Variants in CELF1 observed in about 807,000 individuals in gnomAD.
CELF1 encodes 50 kDa nuclear polyadenylated RNA-binding protein.
Under a neutral mutation model 61.8 loss-of-function variants are expected in CELF1, and 10 were observed. The ratio of observed to expected loss-of-function variants is 0.16; its 90% CI spans 0.10 to 0.27. The LOEUF (loss-of-function observed/expected upper bound fraction) is 0.27. Among genes scored for constraint, CELF1 ranks in the 10% least tolerant of loss-of-function variants. The probability of loss-of-function intolerance (pLI) is 1.00; values close to 1 mark genes in which losing one functional copy is unlikely to be tolerated. For missense variants in CELF1, 380 were observed against 639.1 expected, an observed-to-expected ratio of 0.59 and a Z score of 4.37; for synonymous variants, 236 against 225.1, an observed-to-expected ratio of 1.05 and a Z score of -0.43.
At chr11:47,482,552 G>C in intron 9 of CELF1, 143 bp downstream of exon 9, 1 of 684,534 alleles carries the variant, frequency 1.5e-6, no homozygotes, top group Non-Finnish European at 2.4e-6. Context: ...AGGACTAAAA[G>C]AAATAGTACT....
chr11:47,539,145 G>A (rs1266734230), intron 1 of CELF1, among the ~76,000 whole-genome samples: 1 of 151,518 alleles, frequency 6.6e-6, no homozygotes. Flanking sequence ...CTCACTTTAA[G>A]TTTCCTATCT....
At chr11:47,512,702 TC>T (rs1220598354) in intron 1 of CELF1, among the ~76,000 whole-genome samples, 1 of 152,108 alleles carries the variant, frequency 6.6e-6, no homozygotes, top group African/African-American at 2.4e-5. Flanking sequence ...AAAAGTATAT[TC>T]TCTTTAAAGT....
At position 47,475,532 on chromosome 11, in the gene CELF1, G is replaced by C. The variant is rs1217024400; in HGVS notation, c.1088-11C>G. 6.2e-7 allele frequency: 1 copy of C among 1,613,304 alleles called. No homozygotes were observed. Among genetic ancestry groups the C allele is most frequent in the Non-Finnish European group, 8.5e-7 (1 of 1,179,770 alleles). ...TTAAAGCAGCCATTCCTTGGTTGGAGGAAGAGAAGGATTAATATACTAGAA... is the reference window on the plus strand; with the variant it reads ...TTAAAGCAGCCATTCCTTGGTTGGACGAAGAGAAGGATTAATATACTAGAA... On this transcript the variant is annotated splice_polypyrimidine_tract_variant and intron_variant, in intron 12 of 14. Transcript: ENST00000687097.
In CELF1 at chr11:47,476,867, G is replaced by C; in HGVS notation, c.1066C>G (p.Leu356Val). Residue 356 changes from leucine (L) to valine (V), a missense_variant, in exon 12 of 15, where the codon CTC (leucine) becomes GTC (valine). Transcript: ENST00000687097. ...TTACCTGCCAAAGAGCCAACATTGA[G>C]GCCAGCCGTTGCTCCAGCTAATGTC... is the stretch of plus-strand genomic sequence containing the variant. Reference protein sequence around the residue: ...LQTLAGATAGLNVGSLAGMAA... With the variant: ...LQTLAGATAGVNVGSLAGMAA... 1 of 1,614,132 alleles carries C rather than the reference G, an allele frequency of 6.2e-7. No individual in the cohort carries two copies.
At chr11:47,522,263 A>C (rs1186786846) in intron 1 of CELF1, among the ~76,000 whole-genome samples, 1 of 150,944 alleles carries the variant, frequency 6.6e-6, no homozygotes, top group Admixed American at 6.6e-5. Context: ...TGGTGGCTCA[A>C]GCCTGTAACC....
Position 47,470,942 on chromosome 11 carries a change from G to GT in CELF1, c.*1287dup, listed in dbSNP as rs1312965641. 1.3e-5 allele frequency: 2 copies of GT among 152,186 alleles called. No homozygotes were observed. The highest frequency in any genetic ancestry group is 4.8e-5 in the African/African-American group (2 of 41,440). 9.4% of individuals were successfully genotyped at this position (152,186 alleles called of 1,614,324 possible). A position where few individuals can be genotyped will look rare whatever the true frequency, so the allele number is the denominator to read the frequency against. On this transcript the variant is annotated 3_prime_UTR_variant, in exon 15 of 15. Transcript: ENST00000687097. ...TAGCACGAGGACAAAAATGAACACG[G>GT]TAATACTGAGGTAAATGAACACTCA... is the stretch of plus-strand genomic sequence containing the variant.
intron 3 of CELF1, 107 bp downstream of exon 3, chr11:47,499,346 C>A (rs1214466699): frequency 3.3e-5 from 27 of 822,206 alleles, no homozygotes; most frequent in Non-Finnish European, 5.0e-5. Context: ...GGCTTCTTTC[C>A]CCATTTTTCT....
At chr11:47,475,758 A>G (rs1054095019) in intron 12 of CELF1, among the ~76,000 whole-genome samples, 2 of 152,082 alleles carry the variant, frequency 1.3e-5, no homozygotes, top group African/African-American at 4.8e-5. Context: ...CATTACCTTC[A>G]TCCAATCTGT....
intron 1 of CELF1, among the ~76,000 whole-genome samples, chr11:47,520,180 A>G (rs2095808709): frequency 6.6e-6 from 1 of 152,222 alleles, no homozygotes; most frequent in Admixed American, 6.5e-5. Context: ...AACAAGAAAC[A>G]TGGGAGAGCA....
intron 1 of CELF1, among the ~76,000 whole-genome samples, chr11:47,542,735 T>C (rs1598422750): frequency 6.6e-6 from 1 of 150,914 alleles, no homozygotes; most frequent in East Asian, 1.9e-4. Context: ...TGGCCTCACG[T>C]GATCCGCGTG....
At chr11:47,540,932 G>A (rs1245314394) in intron 1 of CELF1, among the ~76,000 whole-genome samples, 1 of 152,056 alleles carries the variant, frequency 6.6e-6, no homozygotes, top group African/African-American at 2.4e-5. Context: ...CAAGCAGCCA[G>A]TAAATGGCAC....
rs537144112 is a variant in CELF1, at chr11:47,542,082, G to A, written c.-154+10910C>T. 1.3e-4 allele frequency among the ~76,000 whole-genome samples: 20 copies of A among 152,156 alleles called. 1 individual carries two copies. The highest frequency in any genetic ancestry group is 8.3e-4 in the South Asian group (4 of 4,820). On this transcript the variant is annotated intron_variant, in intron 1 of 14. Coordinates refer to ENST00000687097, the MANE Select transcript of CELF1 (RefSeq NM_001376376.1). ...TTAGTGGAGAGTTCTTTCTAAAGCC[G>A]TACTGGGCTGGGCGCGGTGGCGTGC...
At chr11:47,553,910 T>TTTG (rs746699280), upstream of CELF1, among the ~76,000 whole-genome samples, 162 of 151,734 alleles carry the variant, frequency 1.1e-3, 2 homozygotes, top group Non-Finnish European at 9.0e-4. Flanking sequence ...AGCAGTACAA[T>TTTG]TTGTTGTTGT....
At chr11:47,548,760 G>T (rs1376307749) in intron 1 of CELF1, among the ~76,000 whole-genome samples, 5 of 151,490 alleles carry the variant, frequency 3.3e-5, no homozygotes, top group African/African-American at 1.2e-4. Flanking sequence ...CAGCTACTCA[G>T]GAGGCCAAGG....
rs779009192 is a variant in CELF1, at chr11:47,564,171, CAAA to C, written c.-11+177_-11+179del. ...TGAAACCCCATCTCTACTAAAAATA[CAAA>C]AAAAAAAAAAAAAAAAAAAAGAAAG... On this transcript the variant is annotated intron_variant, in intron 2 of 3. Transcript: ENST00000525841. Among the ~76,000 whole-genome samples the C allele has an allele frequency of 3.3e-3, 206 of 62,942 alleles. No individual in the cohort carries two copies. The Middle Eastern group carries it at 0.037, about 11-fold the overall frequency. 41.3% of individuals were successfully genotyped at this position (62,942 alleles called of 152,430 possible).
At chr11:47,495,453 A>G (rs2092901765) in intron 3 of CELF1, among the ~76,000 whole-genome samples, 1 of 152,172 alleles carries the variant, frequency 6.6e-6, no homozygotes, top group Non-Finnish European at 1.5e-5. Context: ...TTTAAGGGTG[A>G]TGAAATGTTC....
intron 3 of CELF1, among the ~76,000 whole-genome samples, chr11:47,498,822 T>C (rs920873290): frequency 2.6e-5 from 4 of 152,300 alleles, no homozygotes; most frequent in Non-Finnish European, 5.9e-5. Context: ...CACAATTTAT[T>C]TGGGCAAATT....
chr11:47,491,317 C>T (rs867031929), intron 3 of CELF1, among the ~76,000 whole-genome samples: 1 of 152,048 alleles, frequency 6.6e-6, no homozygotes, highest in Non-Finnish European at 1.5e-5. Context: ...TATGCGCCAC[C>T]ATGCCTGGCT....
chr11:47,502,289 G>T (rs187954623), intron 1 of CELF1, among the ~76,000 whole-genome samples: 166 of 152,094 alleles, frequency 1.1e-3, no homozygotes, highest in African/African-American at 3.7e-3. Flanking sequence ...CATGAAAGAG[G>T]GCACTTCTTC....
Sources: gnomAD v4.1 joint callset for allele counts (sites outside exome capture counted in the v4.1 genomes callset) on GRCh38, gnomAD v4.1.1 for gene constraint, MANE v1.5 for transcripts, NCBI Gene and HGNC (gene_info 2026-07-23, HGNC 2026-07-21) for gene names.